Variants in MACC1 observed in about 807,000 individuals in gnomAD.
MACC1 encodes MET transcriptional regulator MACC1.
In MACC1, 79 loss-of-function variants were observed where a neutral mutation model predicts 70.7. That is an observed-to-expected ratio of 1.12 (90% confidence interval 0.93 to 1.35). The LOEUF (loss-of-function observed/expected upper bound fraction) is 1.35. Ranked by LOEUF, MACC1 falls within the 40% of genes most tolerant of loss-of-function variation. The pLI, the probability that MACC1 is intolerant of heterozygous loss-of-function variation, is 0.00. For missense variants in MACC1, 1,106 were observed against 978.1 expected (o/e 1.13, Z -1.74); for synonymous variants, 361 against 347.2 (o/e 1.04, Z -0.44).
chr7:20,176,492 T>C (rs1008411415), intron 1 of MACC1, among the ~76,000 whole-genome samples: 2 of 152,142 alleles, frequency 1.3e-5, no homozygotes, highest in Non-Finnish European at 2.9e-5. Context: ...GATAAAATAA[T>C]AGTTAATTTA....
At chr7:20,177,255 G>A (rs1227423737) in intron 1 of MACC1, among the ~76,000 whole-genome samples, 4 of 152,106 alleles carry the variant, frequency 2.6e-5, no homozygotes, top group Non-Finnish European at 5.9e-5. Context: ...AATAACAAAT[G>A]ATAACATTTG....
chr7:20,191,025 C>T (rs1008239367), intron 1 of MACC1, among the ~76,000 whole-genome samples: 1 of 152,196 alleles, frequency 6.6e-6, no homozygotes, highest in Non-Finnish European at 1.5e-5. Flanking sequence ...ACTACTTGCA[C>T]TAATCTAAGC....
At chr7:20,185,147 C>T (rs1051244343) in intron 1 of MACC1, 1 of 152,118 alleles carries the variant, frequency 6.6e-6, no homozygotes. Context: ...GCCTGAATTC[C>T]TCCCAAAATT....
chr7:20,161,898 T>C lies in MACC1; in HGVS notation c.-8-28A>G, dbSNP rs571737471. ...ACAAAGTAAATAGATAAGTATTTTT[T>C]GTAAGCATACATATACAGGCTGGCA... On this transcript the variant is annotated intron_variant, in intron 3 of 6. Coordinates refer to ENST00000400331, the MANE Select transcript of MACC1 (RefSeq NM_182762.4). 11 of 1,360,808 alleles carry C rather than the reference T, an allele frequency of 8.1e-6. No individual in the cohort carries two copies. In the South Asian group the frequency reaches 1.2e-4, roughly 14 times the overall value. 84.3% of individuals were successfully genotyped at this position (1,360,808 alleles called of 1,614,324 possible).
Position 20,137,341 on chromosome 7 carries a change from T to C in MACC1, c.*3605A>G, listed in dbSNP as rs1482084444. ...CTAGTCATCCCCAAACTGAGAACTT[T>C]ATATAGTATGTTCTACATTACAGGC... is the stretch of plus-strand genomic sequence containing the variant. On this transcript the variant is annotated 3_prime_UTR_variant, in exon 7 of 7. Coordinates refer to ENST00000400331, the MANE Select transcript of MACC1 (RefSeq NM_182762.4). The C allele has an allele frequency of 6.6e-6, 1 of 152,238 alleles. No homozygotes were observed. Among genetic ancestry groups the C allele is most frequent in the Non-Finnish European group, 1.5e-5 (1 of 68,032 alleles). The allele number at this position is 152,238 out of a possible 1,614,324, so 9.4% of individuals were successfully genotyped here.
chr7:20,196,968 T>G (rs1408675753), intron 1 of MACC1, among the ~76,000 whole-genome samples: 1 of 152,214 alleles, frequency 6.6e-6, no homozygotes, highest in Non-Finnish European at 1.5e-5. Flanking sequence ...CAGTCAATTT[T>G]AGTCATTGTC....
In MACC1 at chr7:20,159,468, T is replaced by G. The variant is rs755332314; in HGVS notation, c.893A>C (p.Lys298Thr). ...LEMKIGAEVRKDPFSQVMTEM... is the reference protein window; with the variant it reads ...LEMKIGAEVRTDPFSQVMTEM... ...TGTCATGACTTGGCTGAAAGGATCC[T>G]TTCTTACTTCAGCCCCAATTTTCAT... is the stretch of plus-strand genomic sequence containing the variant. The change falls in exon 5 of 7, where the codon AAG (lysine) becomes ACG (threonine). Residue 298 changes from lysine (K) to threonine (T), a missense_variant. Coordinates refer to ENST00000400331, the MANE Select transcript of MACC1 (RefSeq NM_182762.4). The G allele has an allele frequency of 4.3e-6, 7 of 1,614,104 alleles. No individual in the cohort carries two copies. The highest frequency in any genetic ancestry group is 5.9e-6 in the Non-Finnish European group (7 of 1,180,022).
At chr7:20,155,194 CA>C (rs1441192456) in intron 5 of MACC1, among the ~76,000 whole-genome samples, 1 of 152,060 alleles carries the variant, frequency 6.6e-6, no homozygotes, top group Non-Finnish European at 1.5e-5. Flanking sequence ...CTTCTTTGTT[CA>C]AATGAGCAAA....
intron 6 of MACC1, among the ~76,000 whole-genome samples, chr7:20,144,367 G>GA (rs1221279919): frequency 2.0e-5 from 3 of 152,254 alleles, no homozygotes; most frequent in Middle Eastern, 3.4e-3. Flanking sequence ...ATCAGTGTGA[G>GA]AAAAAATGAT....
rs143688163 is a variant in MACC1 at position 20,158,617 on chromosome 7, C to T, written c.1744G>A (p.Gly582Arg). 21 of 1,613,864 alleles carry T rather than the reference C, an allele frequency of 1.3e-5. No individual in the cohort carries two copies. The highest frequency in any genetic ancestry group is 4.5e-5 in the East Asian group (2 of 44,886). ...CCAATAGCTTTTACCTTACCTTCCC[C>T]GAGGAGAGCTATTGTGTCCCCTTTG... is the stretch of plus-strand genomic sequence containing the variant. ...YFKGDTIALL[G>R]EGKVKAIGQS... Residue 582 changes from glycine (G) to arginine (R), a missense_variant, in exon 5 of 7, where the codon GGG becomes AGG. Gly to Arg is a moderately radical substitution (Grantham distance 125, BLOSUM62 -2). Coordinates refer to ENST00000400331, the MANE Select transcript of MACC1 (RefSeq NM_182762.4).
At chr7:20,214,745 G>A (rs1783044459) in intron 1 of MACC1, among the ~76,000 whole-genome samples, 1 of 152,088 alleles carries the variant, frequency 6.6e-6, no homozygotes, top group Non-Finnish European at 1.5e-5. Context: ...TATTTCTGAA[G>A]AATTGAAACT....
At chr7:20,186,822 A>G (rs983980997) in intron 1 of MACC1, among the ~76,000 whole-genome samples, 2 of 152,348 alleles carry the variant, frequency 1.3e-5, no homozygotes, top group South Asian at 4.1e-4. Context: ...TAATTATAAA[A>G]CATCCTTCAC....
At position 20,138,756 on chromosome 7, in the gene MACC1, T is replaced by TC. The variant is rs1401489014; in HGVS notation, c.*2189dup. On this transcript the variant is annotated 3_prime_UTR_variant, in exon 7 of 7. Coordinates refer to ENST00000400331, the MANE Select transcript of MACC1 (RefSeq NM_182762.4). Reference sequence around the variant, plus strand: ...GGCATGAACTCGGCTCACTGCAAGCTCCGCCTCCCGGGTTCACGCCATTCT... The same window carrying TC: ...GGCATGAACTCGGCTCACTGCAAGCTCCCGCCTCCCGGGTTCACGCCATTCT... The TC allele has an allele frequency of 6.6e-6, 1 of 151,596 alleles. No individual in the cohort carries two copies. The highest frequency in any genetic ancestry group is 2.4e-5 in the African/African-American group (1 of 41,182). 9.4% of individuals were successfully genotyped at this position (151,596 alleles called of 1,614,324 possible).
intron 1 of MACC1, among the ~76,000 whole-genome samples, chr7:20,202,343 G>C (rs148432685): frequency 1.9e-3 from 290 of 152,318 alleles, no homozygotes; most frequent in African/African-American, 5.9e-3. Context: ...CTATGACATA[G>C]AGATGGACTT....
intron 1 of MACC1, among the ~76,000 whole-genome samples, chr7:20,185,951 G>GCC (rs1782581367): frequency 6.6e-6 from 1 of 152,168 alleles, no homozygotes. Context: ...CAAGATTCTT[G>GCC]CCCCAGGGTC....
intron 5 of MACC1, 44 bp from the exon 6 acceptor site, chr7:20,154,425 G>GCCGGGCGCGGTGGCTCACGCCT: frequency 6.4e-7 from 1 of 1,556,864 alleles, no homozygotes; most frequent in Non-Finnish European, 8.7e-7. Context: ...AACTAACTTG[G>GCCGGGCGCGGTGGCTCACGCCT]GCTTTTCTCT....
rs573826837 is a variant in MACC1, at chr7:20,136,185, C to T, written c.*4761G>A. On this transcript the variant is annotated 3_prime_UTR_variant, in exon 7 of 7. Coordinates refer to ENST00000400331, the MANE Select transcript of MACC1 (RefSeq NM_182762.4). ...CCAGAGAGGCCAAGTGACAGGTCCACAGTCTCATAGGGAGTAAGGGAGTAA... is the reference window on the plus strand; with the variant it reads ...CCAGAGAGGCCAAGTGACAGGTCCATAGTCTCATAGGGAGTAAGGGAGTAA... 6.6e-6 allele frequency: 1 copy of T among 152,328 alleles called. No individual in the cohort carries two copies. Among genetic ancestry groups the T allele is most frequent in the South Asian group, 2.1e-4 (1 of 4,830 alleles). 9.4% of individuals were successfully genotyped at this position (152,328 alleles called of 1,614,324 possible). A position where few individuals can be genotyped will look rare whatever the true frequency, so the allele number is the denominator to read the frequency against.
intron 1 of MACC1, among the ~76,000 whole-genome samples, chr7:20,208,167 C>T (rs1407915104): frequency 1.3e-5 from 2 of 152,184 alleles, no homozygotes; most frequent in African/African-American, 4.8e-5. Flanking sequence ...ATAAATTATC[C>T]AGTCTCAGGT....
intron 4 of MACC1, among the ~76,000 whole-genome samples, 167 bp from the exon 5 acceptor site, chr7:20,160,412 T>A (rs1205017851): frequency 6.6e-6 from 1 of 152,126 alleles, no homozygotes; most frequent in Admixed American, 6.5e-5. Flanking sequence ...TTTGCTCAAA[T>A]TTATATGTAA....
Sources: allele counts gnomAD v4.1 joint callset (sites outside exome capture counted in the v4.1 genomes callset), GRCh38; gene constraint gnomAD v4.1.1; transcripts MANE v1.5; gene names NCBI Gene and HGNC (gene_info 2026-07-23, HGNC 2026-07-21).